ZNF69: variants seen among roughly 807,000 people sequenced by gnomAD.
ZNF69 encodes zinc finger protein 69.
A neutral mutation model predicts 50.9 loss-of-function variants in ZNF69; 47 were observed. The ratio of observed to expected loss-of-function variants is 0.92; its 90% CI spans 0.73 to 1.18. The LOEUF (loss-of-function observed/expected upper bound fraction) is 1.18. Among genes scored for constraint, ZNF69 ranks in the 50% most tolerant of loss-of-function variants. ZNF69 has a pLI of 0.00. For missense variants in ZNF69, 717 were observed against 675.1 expected, an observed-to-expected ratio of 1.06 and a Z score of -0.69; for synonymous variants, 216 against 223.1, an observed-to-expected ratio of 0.97 and a Z score of 0.29.
chr19:11,906,069 G>A lies in ZNF69; in HGVS notation c.1672G>A (p.Glu558Lys). The A allele has an allele frequency of 6.2e-7, 1 of 1,612,760 alleles. No individual in the cohort carries two copies. ...TCGAATGCATGGTAGGACTCACCCTGAAGATAAACCCTATGAGTGTAAGCA... is the reference window on the plus strand; with the variant it reads ...TCGAATGCATGGTAGGACTCACCCTAAAGATAAACCCTATGAGTGTAAGCA... ...VLRMHGRTHP[E>K]DKPYECKQ The change falls in exon 4 of 4, where the codon GAA (glutamate) becomes AAA (lysine). Residue 558 changes from glutamate (E) to lysine (K), a missense_variant. By Grantham distance (56) the Glu-to-Lys change is moderately conservative (BLOSUM62 1). Coordinates refer to ENST00000429654, the MANE Select transcript of ZNF69 (RefSeq NM_001364730.1).
At chr19:11,930,225 A>G in the ZNF69 span, among the ~76,000 whole-genome samples, 2 of 148,556 alleles carry the variant, frequency 1.3e-5, no homozygotes, top group South Asian at 2.1e-4. Context: ...CCAATCAGCT[A>G]ATTGGATGTT....
the ZNF69 span, among the ~76,000 whole-genome samples, chr19:11,939,224 A>T: frequency 1.3e-5 from 2 of 152,050 alleles, no homozygotes; most frequent in African/African-American, 2.4e-5. Flanking sequence ...GAAGCTCTTT[A>T]GTTTAATTAG....
At chr19:11,978,619 A>G in the ZNF69 span, 2 of 1,614,098 alleles carry the variant, frequency 1.2e-6, no homozygotes, top group East Asian at 4.5e-5. Flanking sequence ...GAATGTAAAC[A>G]ATGTGTTAAA....
chr19:11,910,425 T>C (rs1413779914), downstream of ZNF69, among the ~76,000 whole-genome samples: 12 of 152,136 alleles, frequency 7.9e-5, no homozygotes, highest in Admixed American at 7.9e-4. Context: ...CAAACTATAC[T>C]ACAAGGCTAC....
Position 11,888,135 on chromosome 19 carries a change from G to T in ZNF69, c.63+149G>T, listed in dbSNP as rs990985200. On this transcript the variant is annotated intron_variant, in intron 1 of 3. Coordinates refer to ENST00000429654, the MANE Select transcript of ZNF69 (RefSeq NM_001364730.1). ...GAGCCGCTCGGCCCTCGGTCCCCTC[G>T]ACTGCTCGGTGTGGCTGGGCCGGTA... 2.8e-5 allele frequency: 18 copies of T among 635,644 alleles called. 2 individuals carry two copies. The Admixed American group carries it at 3.1e-4, about 11-fold the overall frequency. 39.4% of individuals were successfully genotyped at this position (635,644 alleles called of 1,614,324 possible).
At chr19:11,957,236 C>T in the ZNF69 span, among the ~76,000 whole-genome samples, 2 of 151,776 alleles carry the variant, frequency 1.3e-5, no homozygotes, top group Non-Finnish European at 1.5e-5. Context: ...GGACTACAGG[C>T]GCCCGCCACC....
At chr19:11,978,895 A>G in the ZNF69 span, 1 of 1,614,082 alleles carries the variant, frequency 6.2e-7, no homozygotes, top group Non-Finnish European at 8.5e-7. Flanking sequence ...TTCCGTAGTT[A>G]CAGATCCTAT....
exon 5 of ZNF69, chr19:11,913,611 G>A (rs1972490445): frequency 3.2e-6 from 1 of 316,552 alleles, no homozygotes; most frequent in South Asian, 1.3e-4. Context: ...GGCTGGTCTT[G>A]AACTCCAGAC....
At chr19:11,961,832 G>A in the ZNF69 span, 1 of 151,704 alleles carries the variant, frequency 6.6e-6, no homozygotes, top group Non-Finnish European at 1.5e-5. Context: ...GGCCAGGCTG[G>A]TCTCGAACTC....
downstream of ZNF69, among the ~76,000 whole-genome samples, chr19:11,908,443 G>A (rs910499712): frequency 6.6e-6 from 1 of 152,168 alleles, no homozygotes; most frequent in African/African-American, 2.4e-5. Context: ...CTCAGCAAAT[G>A]TAGAAGAATA....
chr19:11,916,031 G>C (rs1568285062), downstream of ZNF69, among the ~76,000 whole-genome samples: 1 of 152,152 alleles, frequency 6.6e-6, no homozygotes, highest in South Asian at 2.1e-4. Flanking sequence ...CAGAGCCCCG[G>C]AAAGCTAGGG....
the ZNF69 span, among the ~76,000 whole-genome samples, chr19:11,967,430 A>C: frequency 6.6e-6 from 1 of 151,936 alleles, no homozygotes; most frequent in Non-Finnish European, 1.5e-5. Flanking sequence ...TTTGAGACGG[A>C]GTCTCGCTCT....
chr19:11,956,606 A>G, the ZNF69 span: 2 of 398,504 alleles, frequency 5.0e-6, no homozygotes, highest in Non-Finnish European at 8.8e-6. Flanking sequence ...CTGTAATCCC[A>G]GCACTTTGGG....
the ZNF69 span, chr19:11,950,489 C>G: frequency 1.5e-6 from 1 of 652,454 alleles, no homozygotes; most frequent in South Asian, 1.7e-5. Flanking sequence ...ATTCTAGTTC[C>G]GTTTGATATC....
chr19:11,964,623 C>T, the ZNF69 span, among the ~76,000 whole-genome samples: 19,152 of 152,004 alleles, frequency 0.13, 2,239 homozygotes, highest in African/African-American at 0.31. Flanking sequence ...CGCTCAAGGA[C>T]ATGTGCCTCT....
At chr19:11,917,789 C>CTTTTTT (rs74965943), downstream of ZNF69, among the ~76,000 whole-genome samples, 2,581 of 110,548 alleles carry the variant, frequency 0.023, 168 homozygotes, top group African/African-American at 0.038. Context: ...CCACACCCTG[C>CTTTTTT]TTTTTTTTTT....
the ZNF69 span, among the ~76,000 whole-genome samples, chr19:11,937,932 A>C: frequency 6.6e-6 from 1 of 152,174 alleles, no homozygotes; most frequent in Non-Finnish European, 1.5e-5. Flanking sequence ...ATGTGTGAGA[A>C]ATCAGACTTT....
the ZNF69 span, among the ~76,000 whole-genome samples, chr19:11,969,215 TGGCCTCAG>T: frequency 6.6e-6 from 1 of 152,212 alleles, no homozygotes; most frequent in Admixed American, 6.5e-5. Context: ...AGTAATTCTC[TGGCCTCAG>T]CCTTTCCAGT....
intron 1 of ZNF69, among the ~76,000 whole-genome samples, chr19:11,895,578 G>A (rs545398859): frequency 6.6e-6 from 1 of 152,322 alleles, no homozygotes; most frequent in Admixed American, 6.5e-5. Flanking sequence ...GTCCCACAGG[G>A]AGGTGGTCAC....
Sources: gnomAD v4.1 joint callset for allele counts (sites outside exome capture counted in the v4.1 genomes callset) on GRCh38, gnomAD v4.1.1 for gene constraint, MANE v1.5 for transcripts, NCBI Gene and HGNC (gene_info 2026-07-23, HGNC 2026-07-21) for gene names.